The following SNPH variants were observed in gnomAD, a reference collection of about 807,000 sequenced individuals.
SNPH encodes syntaphilin.
In SNPH, 10 loss-of-function variants were observed where a neutral mutation model predicts 36.8. The ratio of observed to expected loss-of-function variants is 0.27; its 90% CI spans 0.17 to 0.46. SNPH has a LOEUF of 0.46. Among genes scored for constraint, SNPH ranks in the 20% least tolerant of loss-of-function variants. The pLI, the probability that SNPH is intolerant of heterozygous loss-of-function variation, is 1.00. For missense variants in SNPH, 622 were observed against 744.0 expected, an observed-to-expected ratio of 0.84 and a Z score of 1.91; for synonymous variants, 281 against 312.2, an observed-to-expected ratio of 0.90 and a Z score of 1.05.
chr20:1,307,056 C>T lies in SNPH; in HGVS notation c.*1002C>T, dbSNP rs996807053. ...AACTTGCCCCGAGTTTCTCTGGGGCCCTCGGGCCCAACTTCTGCTTTGCAC... is the reference window on the plus strand; with the variant it reads ...AACTTGCCCCGAGTTTCTCTGGGGCTCTCGGGCCCAACTTCTGCTTTGCAC... On this transcript the variant is annotated 3_prime_UTR_variant, in exon 7 of 7. Coordinates refer to ENST00000381867, the MANE Select transcript of SNPH (RefSeq NM_001318234.2). 6.6e-6 allele frequency: 1 copy of T among 152,664 alleles called. No homozygotes were observed. Among genetic ancestry groups the T allele is most frequent in the African/African-American group, 2.4e-5 (1 of 41,458 alleles). 9.5% of individuals were successfully genotyped at this position (152,664 alleles called of 1,614,324 possible). A position where few individuals can be genotyped will look rare whatever the true frequency, so the allele number is the denominator to read the frequency against.
intron 2 of SNPH, among the ~76,000 whole-genome samples, chr20:1,288,734 GTC>G (rs1457702548): frequency 6.7e-6 from 1 of 149,824 alleles, no homozygotes; most frequent in African/African-American, 2.5e-5. Context: ...ATATTCTCCT[GTC>G]TCAGCATCCC....
In SNPH at chr20:1,285,706, T is replaced by C. The variant is rs1020703905; in HGVS notation, c.-492-9245T>C. Among the ~76,000 whole-genome samples, 1 of 152,208 alleles carries C rather than the reference T, an allele frequency of 6.6e-6. No homozygotes were observed. The highest frequency in any genetic ancestry group is 1.5e-5 in the Non-Finnish European group (1 of 68,038). ...ATTCAGAGTTCCAAATCCAGTCATATTGGATCTAAAATTCAGTTACATTTG... is the reference window on the plus strand; with the variant it reads ...ATTCAGAGTTCCAAATCCAGTCATACTGGATCTAAAATTCAGTTACATTTG... On this transcript the variant is annotated intron_variant, in intron 2 of 6. Coordinates refer to ENST00000381867, the MANE Select transcript of SNPH (RefSeq NM_001318234.2). This position sits in a 1 kb window ranked among gnomAD's most constrained non-coding sequence, Gnocchi z 4.9.
In SNPH at chr20:1,305,777, C is replaced by G; in HGVS notation, c.1340C>G (p.Pro447Arg). 6.2e-7 allele frequency: 1 copy of G among 1,608,972 alleles called. No individual in the cohort carries two copies. The highest frequency in any genetic ancestry group is 8.5e-7 in the Non-Finnish European group (1 of 1,178,198). Reference protein sequence around the residue: ...NPGQSVSVVCPMEEEEEAAVA... With the variant: ...NPGQSVSVVCRMEEEEEAAVA... Reference sequence around the variant, plus strand: ...GGCCAGTCGGTGAGCGTGGTGTGCCCCATGGAAGAGGAGGAGGAGGCTGCC... The same window carrying G: ...GGCCAGTCGGTGAGCGTGGTGTGCCGCATGGAAGAGGAGGAGGAGGCTGCC... The change falls in exon 7 of 7, where the codon CCC (proline) becomes CGC (arginine). Residue 447 changes from proline to arginine, a missense_variant. By Grantham distance (103) the Pro-to-Arg change is moderately radical. This residue lies in a region of SNPH where 379 missense variants were observed against 427.9 expected (regional missense o/e 0.89). Coordinates refer to ENST00000381867, the MANE Select transcript of SNPH (RefSeq NM_001318234.2).
At chr20:1,295,501 C>G (rs2088418403) in intron 3 of SNPH, among the ~76,000 whole-genome samples, 2 of 152,212 alleles carry the variant, frequency 1.3e-5, no homozygotes, top group Admixed American at 6.5e-5. Flanking sequence ...CCCCAGTGCT[C>G]ATCTGCTTTA....
At chr20:1,272,372 G>A (rs1299728630) in intron 2 of SNPH, among the ~76,000 whole-genome samples, 1 of 152,206 alleles carries the variant, frequency 6.6e-6, no homozygotes, top group African/African-American at 2.4e-5. Context: ...TGTCTACAAA[G>A]GTAAAACAGG....
chr20:1,286,857 G>A (rs1022064740), intron 2 of SNPH, among the ~76,000 whole-genome samples: 1 of 152,148 alleles, frequency 6.6e-6, no homozygotes, highest in African/African-American at 2.4e-5. Flanking sequence ...CTGTGGAAAG[G>A]GGCTGTCGTC....
Position 1,266,462 on chromosome 20 carries a change from T to G in SNPH, c.-600+65T>G. ...CAGCTGCACCCGCCGCAGTCCAGAG[T>G]GCCGAGTGCCAGGGGGTGGGGTGGG... On this transcript the variant is annotated intron_variant, in intron 1 of 6. Transcript: ENST00000381867. The surrounding 1 kb of genome is among the most constrained non-coding windows in gnomAD (Gnocchi z 6.0). 2.7e-6 allele frequency: 2 copies of G among 746,292 alleles called. No individual in the cohort carries two copies. Among genetic ancestry groups the G allele is most frequent in the Non-Finnish European group, 3.9e-6 (2 of 511,796 alleles). 46.2% of individuals were successfully genotyped at this position (746,292 alleles called of 1,614,324 possible). A position where few individuals can be genotyped will look rare whatever the true frequency, so the allele number is the denominator to read the frequency against.
Position 1,305,755 on chromosome 20 carries a change from C to G in SNPH, c.1318C>G (p.Gln440Glu). The change falls in exon 7 of 7, where the codon CAG becomes GAG. Residue 440 changes from glutamine (Q) to glutamate (E), a missense_variant. Physicochemically the swap from Gln to Glu is conservative, Grantham distance 29. Around this residue, in one of 3 missense-constraint regions of SNPH, gnomAD observed 379 missense variants for 427.9 expected, o/e 0.89. Transcript: ENST00000381867. ...QRPGANPNPG[Q>E]SVSVVCPMEE... ...GCCTGGTGCCAACCCCAACCCTGGC[C>G]AGTCGGTGAGCGTGGTGTGCCCCAT... The G allele has an allele frequency of 6.2e-7, 1 of 1,611,468 alleles. No individual in the cohort carries two copies. The highest frequency in any genetic ancestry group is 8.5e-7 in the Non-Finnish European group (1 of 1,179,306).
rs4813077 is a variant in SNPH, at chr20:1,292,090, A to G, written c.-492-2861A>G. Among the ~76,000 whole-genome samples, 1,227 of 152,314 alleles carry G rather than the reference A, an allele frequency of 8.1e-3. 11 individuals are homozygous for G. Among genetic ancestry groups the G allele is most frequent in the Non-Finnish European group, 9.1e-3 (621 of 68,002 alleles). ...TCAATGTGCTTGTTTAAACCATTGT[A>G]TTACCAACAGTTGTGTGTTGATTGT... On this transcript the variant is annotated intron_variant, in intron 2 of 6. Transcript: ENST00000381867.
Position 1,305,364 on chromosome 20 carries a change from G to A in SNPH, c.927G>A (p.Ser309=), listed in dbSNP as rs537448470. 27 of 1,612,438 alleles carry A rather than the reference G, an allele frequency of 1.7e-5. No homozygotes were observed. The highest frequency in any genetic ancestry group is 1.3e-4 in the Admixed American group (8 of 60,018). The change falls in exon 7 of 7, where the codon TCG becomes TCA. Residue 309 remains serine, a synonymous_variant. Coordinates refer to ENST00000381867, the MANE Select transcript of SNPH (RefSeq NM_001318234.2). ...TDALEASSLL[S]SGVDCGTEET... ...CGCTGGAAGCCAGCAGCCTGCTGTCGTCGGGGGTGGACTGTGGCACCGAGG... is the reference window on the plus strand; with the variant it reads ...CGCTGGAAGCCAGCAGCCTGCTGTCATCGGGGGTGGACTGTGGCACCGAGG...
At position 1,297,003 on chromosome 20, in the gene SNPH, C is replaced by G. The variant is rs1465023005; in HGVS notation, c.183-142C>G. 1.7e-5 allele frequency: 24 copies of G among 1,392,890 alleles called. No homozygotes were observed. In the South Asian group the frequency reaches 3.5e-4, roughly 20 times the overall value. 86.3% of individuals were successfully genotyped at this position (1,392,890 alleles called of 1,614,324 possible). ...GTCTGTTCTGTCACCCCTGTCTGTGCGTCTCTCTCTCCCTGCTTCTCTCCC... is the reference window on the plus strand; with the variant it reads ...GTCTGTTCTGTCACCCCTGTCTGTGGGTCTCTCTCTCCCTGCTTCTCTCCC... On this transcript the variant is annotated intron_variant, in intron 4 of 6. Transcript: ENST00000381867.
At chr20:1,282,179 G>A (rs1173788983) in intron 2 of SNPH, among the ~76,000 whole-genome samples, 1 of 152,224 alleles carries the variant, frequency 6.6e-6, no homozygotes, top group Non-Finnish European at 1.5e-5. Flanking sequence ...AAAGCAGTTT[G>A]GCAGCACATT....
rs948408557 is a variant in SNPH at position 1,307,123 on chromosome 20, C to T, written c.*1069C>T. On this transcript the variant is annotated 3_prime_UTR_variant, in exon 7 of 7. Coordinates refer to ENST00000381867, the MANE Select transcript of SNPH (RefSeq NM_001318234.2). ...TTGGTTCTCAGCCATCCAAGGGTCT[C>T]CAGTGAGGTGGCTGCTTGCTGTCTG... 6.5e-6 allele frequency: 1 copy of T among 152,700 alleles called. No homozygotes were observed. Among genetic ancestry groups the T allele is most frequent in the Non-Finnish European group, 1.5e-5 (1 of 68,074 alleles). 9.5% of individuals were successfully genotyped at this position (152,700 alleles called of 1,614,324 possible).
intron 2 of SNPH, among the ~76,000 whole-genome samples, chr20:1,278,586 T>C (rs1252413868): frequency 6.6e-6 from 1 of 152,260 alleles, no homozygotes; most frequent in African/African-American, 2.4e-5. Context: ...TAGTAGTTTA[T>C]ATAAATGGAA....
chr20:1,272,098 G>A lies in SNPH; in HGVS notation c.-493+5338G>A, dbSNP rs1182163391. 2.6e-5 allele frequency among the ~76,000 whole-genome samples: 4 copies of A among 152,256 alleles called. No individual in the cohort carries two copies. In the East Asian group the frequency reaches 7.7e-4, roughly 29 times the overall value. On this transcript the variant is annotated intron_variant, in intron 2 of 6. Coordinates refer to ENST00000381867, the MANE Select transcript of SNPH (RefSeq NM_001318234.2). ...AGGCCATGTTATCAGGGGGAAAATGGTATTCCTTCAAATTGAATACATTTT... is the reference window on the plus strand; with the variant it reads ...AGGCCATGTTATCAGGGGGAAAATGATATTCCTTCAAATTGAATACATTTT...
chr20:1,291,423 G>A (rs1327099109), intron 2 of SNPH, among the ~76,000 whole-genome samples: 1 of 152,194 alleles, frequency 6.6e-6, no homozygotes, highest in Non-Finnish European at 1.5e-5. Context: ...TGGCTGATGA[G>A]GCCATAGCCA....
At chr20:1,279,121 A>G (rs995678709) in intron 2 of SNPH, among the ~76,000 whole-genome samples, 21 of 152,216 alleles carry the variant, frequency 1.4e-4, no homozygotes, top group African/African-American at 4.1e-4. Flanking sequence ...GTAAATATAT[A>G]TGTAACTTTT....
rs535158801 is a variant in SNPH at position 1,281,282 on chromosome 20, C to T, written c.-492-13669C>T. Among the ~76,000 whole-genome samples, 24 of 152,320 alleles carry T rather than the reference C, an allele frequency of 1.6e-4. No individual in the cohort carries two copies. The South Asian group carries it at 2.9e-3, about 18-fold the overall frequency. ...TTAACCTCTATAGCCTTCGTTAAAA[C>T]GTCGTCATCCCTGACCTGTCCTGGT... On this transcript the variant is annotated intron_variant, in intron 2 of 6. Transcript: ENST00000381867.
rs1420383606 is a variant in SNPH, at chr20:1,276,195, T to G, written c.-493+9435T>G. On this transcript the variant is annotated intron_variant, in intron 2 of 6. Transcript: ENST00000381867. This position sits in a 1 kb window ranked among gnomAD's most constrained non-coding sequence, Gnocchi z 4.6. The stretch of plus-strand genomic sequence containing the variant: ...TTTGAGCCAACTGTCTGTGGCTTCC[T>G]TCTGGAGAGCCCCTTCCCCCTCCAC... Among the ~76,000 whole-genome samples, 3 of 152,168 alleles carry G rather than the reference T, an allele frequency of 2.0e-5. No individual in the cohort carries two copies. The highest frequency in any genetic ancestry group is 7.2e-5 in the African/African-American group (3 of 41,448).
Sources: gnomAD v4.1 joint callset for allele counts (sites outside exome capture counted in the v4.1 genomes callset) on GRCh38, gnomAD v4.1.1 for gene constraint, gnomAD v4.1.1 regional missense constraint, Gnocchi (gnomAD v3.1) non-coding constraint, MANE v1.5 for transcripts, NCBI Gene and HGNC (gene_info 2026-07-23, HGNC 2026-07-21) for gene names.